PCDHGA2: variants seen among roughly 807,000 people sequenced by gnomAD.
PCDHGA2 encodes protocadherin gamma-A2.
PCDHGA2 carries 40 observed loss-of-function variants against 59.2 expected under a neutral mutation model. That is an observed-to-expected ratio of 0.68 (90% CI 0.52 to 0.88). The LOEUF is 0.88. PCDHGA2 is among the 40% of genes least tolerant of loss of function. PCDHGA2 has a pLI of 0.00. For synonymous variants in PCDHGA2, 560 were observed against 526.0 expected (o/e 1.06, Z -0.89); for missense variants, 1,226 against 1,204.0 (o/e 1.02, Z -0.27).
At chr5:141,419,656 G>A (rs1374057056) in intron 1 of PCDHGA2, 15 of 1,612,528 alleles carry the variant, frequency 9.3e-6, no homozygotes, top group Non-Finnish European at 8.5e-6. Context: ...CGGACTCGGG[G>A]CACAATGCCT....
rs2154586601 is a variant in PCDHGA2, at chr5:141,491,555, A to G, written c.2425-3252A>G. The G allele has an allele frequency of 6.2e-7, 1 of 1,613,986 alleles. No homozygotes were observed. The highest frequency in any genetic ancestry group is 2.2e-5 in the East Asian group (1 of 44,862). ...CTGCGGCCCACAGACTCGCAGAGCC[A>G]CTGCTACAGGACGTGCTTTTCACCG... On this transcript the variant is annotated intron_variant, in intron 1 of 3. Transcript: ENST00000394576. This position sits in a 1 kb window ranked among gnomAD's most constrained non-coding sequence, Gnocchi z 6.9.
intron 1 of PCDHGA2, chr5:141,362,191 G>C: frequency 6.2e-7 from 1 of 1,614,010 alleles, no homozygotes; most frequent in Non-Finnish European, 8.5e-7. Flanking sequence ...TGACCCCCAG[G>C]CAAAACTGCA....
chr5:141,493,908 G>A lies in PCDHGA2; in HGVS notation c.2425-899G>A, dbSNP rs1308946115. ...CTAGGAGTGCTCCATGAGAGTGTGT[G>A]ATGGGATAACACACCCCCTGGAAAG... On this transcript the variant is annotated intron_variant, in intron 1 of 3. Transcript: ENST00000394576. This position sits in a 1 kb window ranked among gnomAD's most constrained non-coding sequence, Gnocchi z 4.3. Among the ~76,000 whole-genome samples the A allele has an allele frequency of 6.6e-6, 1 of 152,208 alleles. No homozygotes were observed. The highest frequency in any genetic ancestry group is 1.5e-5 in the Non-Finnish European group (1 of 68,032).
intron 1 of PCDHGA2, among the ~76,000 whole-genome samples, chr5:141,433,837 C>CAAAAAAAA (rs56191208): frequency 1.9e-4 from 21 of 111,692 alleles, no homozygotes; most frequent in Admixed American, 5.9e-4. Context: ...AACTCTATCT[C>CAAAAAAAA]AAAAAAAAAA....
chr5:141,451,914 A>G (rs1387569597), intron 1 of PCDHGA2, among the ~76,000 whole-genome samples: 3 of 152,022 alleles, frequency 2.0e-5, no homozygotes, highest in East Asian at 1.9e-4. Context: ...GGGAGGGAGG[A>G]AGGAAGGGAG....
In PCDHGA2 at chr5:141,476,824, C is replaced by A; in HGVS notation, c.2425-17983C>A. On this transcript the variant is annotated intron_variant, in intron 1 of 3. Coordinates refer to ENST00000394576, the MANE Select transcript of PCDHGA2 (RefSeq NM_018915.4). This position sits in a 1 kb window ranked among gnomAD's most constrained non-coding sequence, Gnocchi z 7.6. Reference sequence around the variant, plus strand: ...TGCCTATTCACATCAAGGTGCTGGACGCGAATGACAATGCGCCTGTCTTCA... The same window carrying A: ...TGCCTATTCACATCAAGGTGCTGGAAGCGAATGACAATGCGCCTGTCTTCA... The A allele has an allele frequency of 1.2e-6, 2 of 1,613,588 alleles. No individual in the cohort carries two copies. The highest frequency in any genetic ancestry group is 1.7e-6 in the Non-Finnish European group (2 of 1,180,036).
intron 1 of PCDHGA2, among the ~76,000 whole-genome samples, chr5:141,457,293 T>A (rs2098916185): frequency 6.6e-6 from 1 of 152,226 alleles, no homozygotes; most frequent in Admixed American, 6.5e-5. Context: ...TTCCTTGGTT[T>A]TATTTTCCCA....
At chr5:141,409,626 G>A (rs776642148) in intron 1 of PCDHGA2, 13 of 1,613,760 alleles carry the variant, frequency 8.1e-6, no homozygotes, top group Non-Finnish European at 5.1e-6. Flanking sequence ...GCGCAAGTGA[G>A]CGCCTCTGAC....
chr5:141,376,417 G>A (rs750081761), intron 1 of PCDHGA2: 30 of 1,614,148 alleles, frequency 1.9e-5, no homozygotes, highest in Non-Finnish European at 2.5e-5. Context: ...ATGCCGACAC[G>A]CTTATCAACC....
At chr5:141,433,691 G>A (rs2097644575) in intron 1 of PCDHGA2, among the ~76,000 whole-genome samples, 1 of 152,044 alleles carries the variant, frequency 6.6e-6, no homozygotes, top group Non-Finnish European at 1.5e-5. Flanking sequence ...TACAAAATTA[G>A]CCGGGCGTGG....
At position 141,389,262 on chromosome 5, in the gene PCDHGA2, G is replaced by A. The variant is rs1017721134; in HGVS notation, c.2424+47867G>A. On this transcript the variant is annotated intron_variant, in intron 1 of 3. Coordinates refer to ENST00000394576, the MANE Select transcript of PCDHGA2 (RefSeq NM_018915.4). Reference sequence around the variant, plus strand: ...ACAGTCTTCCTATATAGTCCACGTGGCCGAGAACAACCCGCCTGGAGCCTC... The same window carrying A: ...ACAGTCTTCCTATATAGTCCACGTGACCGAGAACAACCCGCCTGGAGCCTC... 5 of 1,613,910 alleles carry A rather than the reference G, an allele frequency of 3.1e-6. No individual in the cohort carries two copies. The highest frequency in any genetic ancestry group is 1.3e-5 in the African/African-American group (1 of 74,940).
Position 141,339,325 on chromosome 5 carries a change from A to T in PCDHGA2, c.354A>T (p.Ser118=). The T allele has an allele frequency of 6.2e-7, 1 of 1,614,264 alleles. No homozygotes were observed. Among genetic ancestry groups the T allele is most frequent in the East Asian group, 2.2e-5 (1 of 44,888 alleles). Residue 118 remains serine, a synonymous_variant, in exon 1 of 4, where the codon TCA becomes TCT. Coordinates refer to ENST00000394576, the MANE Select transcript of PCDHGA2 (RefSeq NM_018915.4). ...TGGAGGATAAATTGACTATTTATTC[A>T]GTAGAGGTGGAAATAACAGATATTA... is the stretch of plus-strand genomic sequence containing the variant. ...ILLEDKLTIY[S]VEVEITDIND... is the part of the protein sequence containing the mutation.
At chr5:141,393,442 T>G (rs932289283) in intron 1 of PCDHGA2, 3 of 1,614,056 alleles carry the variant, frequency 1.9e-6, no homozygotes, top group Non-Finnish European at 2.5e-6. Context: ...GCTCACCACC[T>G]GGTCCTCACG....
chr5:141,382,792 T>C (rs993602404), intron 1 of PCDHGA2: 3 of 949,494 alleles, frequency 3.2e-6, no homozygotes, highest in Middle Eastern at 2.2e-4. Flanking sequence ...GCCTCTATCC[T>C]GCTGGATTCT....
At chr5:141,488,478 A>T (rs1251914951) in intron 1 of PCDHGA2, among the ~76,000 whole-genome samples, 5 of 152,072 alleles carry the variant, frequency 3.3e-5, no homozygotes, top group African/African-American at 4.8e-5. Flanking sequence ...ATGTTCCCCT[A>T]CCCAAAAACT....
chr5:141,417,699 C>G, intron 1 of PCDHGA2: 1 of 1,164,548 alleles, frequency 8.6e-7, no homozygotes. Context: ...AACCAGCTCC[C>G]ACACAGAGGC....
rs967681412 is a variant in PCDHGA2, at chr5:141,338,826, A to C, written c.-146A>C. The stretch of plus-strand genomic sequence containing the variant: ...TTGGCCCTAAAGCTTCAGGACACCA[A>C]AGAAATTCAGTCGAACAGCCCACCA... On this transcript the variant is annotated 5_prime_UTR_variant, in exon 1 of 4. Coordinates refer to ENST00000394576, the MANE Select transcript of PCDHGA2 (RefSeq NM_018915.4). 7.2e-7 allele frequency: 1 copy of C among 1,391,196 alleles called. No homozygotes were observed. The highest frequency in any genetic ancestry group is 1.4e-5 in the African/African-American group (1 of 69,198). The allele number at this position is 1,391,196 out of a possible 1,614,324, so 86.2% of individuals were successfully genotyped here.
intron 1 of PCDHGA2, chr5:141,344,189 G>A (rs1561487340): frequency 6.2e-7 from 1 of 1,614,024 alleles, no homozygotes; most frequent in Admixed American, 1.7e-5. Flanking sequence ...CTAACGACCT[G>A]GGGCTAGAGC....
chr5:141,393,315 C>A, intron 1 of PCDHGA2: 1 of 1,613,104 alleles, frequency 6.2e-7, no homozygotes. Flanking sequence ...GAACTCCCTC[C>A]AGAGCTACCA....
Sources: gnomAD v4.1 joint callset for allele counts (sites outside exome capture counted in the v4.1 genomes callset) on GRCh38, gnomAD v4.1.1 for gene constraint, Gnocchi (gnomAD v3.1) non-coding constraint, MANE v1.5 for transcripts, NCBI Gene and HGNC (gene_info 2026-07-23, HGNC 2026-07-21) for gene names.